Variants in CTU1 observed in about 807,000 individuals in gnomAD.
CTU1 encodes cytosolic thiouridylase subunit 1.
A neutral mutation model predicts 12.9 loss-of-function variants in CTU1; 15 were observed. The ratio of observed to expected loss-of-function variants is 1.16; its 90% CI spans 0.78 to 1.79. CTU1 has a LOEUF of 1.79. CTU1 is among the 40% of genes most tolerant of loss of function. The probability of loss-of-function intolerance (pLI) is 0.00; values close to 1 mark genes in which losing one functional copy is unlikely to be tolerated. For synonymous variants in CTU1, 295 were observed against 275.6 expected, an observed-to-expected ratio of 1.07 and a Z score of -0.70; for missense variants, 553 against 550.5, an observed-to-expected ratio of 1.00 and a Z score of -0.05.
intron 2 of CTU1, among the ~76,000 whole-genome samples, chr19:51,102,631 G>A (rs1054100304): frequency 6.6e-6 from 1 of 152,096 alleles, no homozygotes; most frequent in African/African-American, 2.4e-5. Flanking sequence ...CAGGTTCCTC[G>A]CCATGGCCTG....
Position 51,098,957 on chromosome 19 carries a change from C to G in CTU1, c.691G>C (p.Asp231His). The G allele has an allele frequency of 6.5e-7, 1 of 1,543,946 alleles. No homozygotes were observed. Among genetic ancestry groups the G allele is most frequent in the Non-Finnish European group, 8.7e-7 (1 of 1,150,908 alleles). ...VVLYAHFRRL[D>H]YFSEECVYAP... ...TAGACGCACTCCTCGGAGAAGTAGT[C>G]GAGGCGGCGGAAGTGCGCGTACAGC... Residue 231 changes from aspartate to histidine, a missense_variant, in exon 3 of 3, where the codon GAC (aspartate) becomes CAC (histidine). Asp to His is a moderately conservative substitution (Grantham distance 81). Around this residue, in one of 2 missense-constraint regions of CTU1, gnomAD observed 500 missense variants for 458.5 expected, o/e 1.09. Transcript: ENST00000421832. The surrounding 1 kb of genome is among the most constrained non-coding windows in gnomAD (Gnocchi z 4.3).
chr19:51,103,126 G>A (rs1310689282), intron 2 of CTU1, among the ~76,000 whole-genome samples: 2 of 152,078 alleles, frequency 1.3e-5, no homozygotes, highest in Non-Finnish European at 2.9e-5. Context: ...TATAGATAAC[G>A]TTATACTTCT....
At chr19:51,099,297 A>G (rs1319733682) in intron 2 of CTU1, among the ~76,000 whole-genome samples, 158 bp from the exon 3 acceptor site, 1 of 152,128 alleles carries the variant, frequency 6.6e-6, no homozygotes, top group Non-Finnish European at 1.5e-5. Context: ...GGACCCAGAG[A>G]GAGACGGCGA....
intron 1 of CTU1, among the ~76,000 whole-genome samples, chr19:51,106,672 A>ATTTTTTT (rs56150506): frequency 2.2e-5 from 3 of 136,236 alleles, no homozygotes; most frequent in African/African-American, 5.4e-5. Context: ...TGCCTGGCTA[A>ATTTTTTT]TTTTTTTTTT....
chr19:51,098,369 A>T lies in CTU1; in HGVS notation c.*232T>A. Reference sequence around the variant, plus strand: ...GGCCCTCTCCTCTCTCAGACCTAGGATGGTCCCCCAGCCCCCTCCTCCCTC... The same window carrying T: ...GGCCCTCTCCTCTCTCAGACCTAGGTTGGTCCCCCAGCCCCCTCCTCCCTC... On this transcript the variant is annotated 3_prime_UTR_variant, in exon 3 of 3. Transcript: ENST00000421832. This position sits in a 1 kb window ranked among gnomAD's most constrained non-coding sequence, Gnocchi z 4.3. The T allele has an allele frequency of 3.0e-6, 1 of 333,428 alleles. No individual in the cohort carries two copies. The highest frequency in any genetic ancestry group is 5.3e-6 in the Non-Finnish European group (1 of 187,680). 20.7% of individuals were successfully genotyped at this position (333,428 alleles called of 1,614,324 possible).
intron 2 of CTU1, 36 bp from the exon 3 acceptor site, chr19:51,099,175 G>T: frequency 6.5e-7 from 1 of 1,540,654 alleles, no homozygotes; most frequent in Non-Finnish European, 8.7e-7. Context: ...GAGGTGGGGC[G>T]CGGAGGGCGC....
Position 51,104,507 on chromosome 19 carries a change from C to T in CTU1, c.63G>A (p.Ser21=). The T allele has an allele frequency of 7.8e-7, 1 of 1,282,840 alleles. No homozygotes were observed. Among genetic ancestry groups the T allele is most frequent in the East Asian group, 3.1e-5 (1 of 32,002 alleles). 79.5% of individuals were successfully genotyped at this position (1,282,840 alleles called of 1,614,324 possible). ...AARAALRRPL[S]GQALCGACFC... is the part of the protein sequence containing the mutation. ...AGCAGGCACCGCACAGCGCTTGGCC[C>T]GAGAGCGGACGGCGGAGGGCGGCGC... The change falls in exon 2 of 3, where the codon TCG becomes TCA. Residue 21 remains serine, a synonymous_variant. Transcript: ENST00000421832.
chr19:51,101,327 C>T (rs936302643), intron 2 of CTU1, among the ~76,000 whole-genome samples: 6 of 152,132 alleles, frequency 3.9e-5, no homozygotes, highest in Non-Finnish European at 8.8e-5. Flanking sequence ...GAAATTGAAG[C>T]TAAACTTGTT....
intron 1 of CTU1, among the ~76,000 whole-genome samples, chr19:51,106,169 T>G (rs1315747439): frequency 6.6e-6 from 1 of 152,216 alleles, no homozygotes; most frequent in Non-Finnish European, 1.5e-5. Context: ...TGTGGCTCCT[T>G]GTTTCTCCAA....
Position 51,104,167 on chromosome 19 carries a change from C to T in CTU1, c.403G>A (p.Ala135Thr). 1.3e-6 allele frequency: 2 copies of T among 1,520,338 alleles called. No homozygotes were observed. Among genetic ancestry groups the T allele is most frequent in the Non-Finnish European group, 1.8e-6 (2 of 1,141,424 alleles). The allele number at this position is 1,520,338 out of a possible 1,614,324, so 94.2% of individuals were successfully genotyped here. ...WTMDAVARST[A>T]GSGRSRSCCT... ...CAGGAGCGGCTGCGGCCGGAGCCGG[C>T]TGTGCTGCGGGCCACGGCGTCCATC... The change falls in exon 2 of 3, where the codon GCC (alanine) becomes ACC (threonine). Residue 135 changes from alanine (A) to threonine (T), a missense_variant. Transcript: ENST00000421832.
intron 2 of CTU1, among the ~76,000 whole-genome samples, chr19:51,103,042 AATG>A (rs1034411688): frequency 6.6e-6 from 1 of 151,054 alleles, no homozygotes; most frequent in African/African-American, 2.5e-5. Flanking sequence ...CTAGCCTGAC[AATG>A]ATGATGATAA....
In CTU1 at chr19:51,099,012, C is replaced by G; in HGVS notation, c.636G>C (p.Pro212=). 2 of 1,518,930 alleles carry G rather than the reference C, an allele frequency of 1.3e-6. No homozygotes were observed. Among genetic ancestry groups the G allele is most frequent in the African/African-American group, 1.4e-5 (1 of 70,562 alleles). The allele number at this position is 1,518,930 out of a possible 1,614,324, so 94.1% of individuals were successfully genotyped here. A position where few individuals can be genotyped will look rare whatever the true frequency, so the allele number is the denominator to read the frequency against. ...GEGGALPRCR[P]LQFASQKEVV... ...CCTCCTTCTGCGAGGCGAACTGCAGCGGGCGGCAGCGCGGCAGGGCGCCCC... is the reference window on the plus strand; with the variant it reads ...CCTCCTTCTGCGAGGCGAACTGCAGGGGGCGGCAGCGCGGCAGGGCGCCCC... The change falls in exon 3 of 3, where the codon CCG becomes CCC. Residue 212 remains proline, a synonymous_variant. Transcript: ENST00000421832.
In CTU1 at chr19:51,104,312, G is replaced by T; in HGVS notation, c.258C>A (p.Ala86=). 6.7e-7 allele frequency: 1 copy of T among 1,490,830 alleles called. No individual in the cohort carries two copies. Among genetic ancestry groups the T allele is most frequent in the Non-Finnish European group, 8.9e-7 (1 of 1,124,938 alleles). The allele number at this position is 1,490,830 out of a possible 1,614,324, so 92.4% of individuals were successfully genotyped here. Reference sequence around the variant, plus strand: ...GGTAGCCACCGATGCCCTCATCGACGGCCACGAGCTGCAGTGAGATGCCCA... The same window carrying T: ...GGTAGCCACCGATGCCCTCATCGACTGCCACGAGCTGCAGTGAGATGCCCA... ...PRLGISLQLV[A]VDEGIGGYRD... Residue 86 remains alanine (A), a synonymous_variant, in exon 2 of 3, where the codon GCC becomes GCA. Coordinates refer to ENST00000421832, the MANE Select transcript of CTU1 (RefSeq NM_145232.4).
chr19:51,107,795 G>T (rs772443389), intron 1 of CTU1, among the ~76,000 whole-genome samples: 57 of 152,144 alleles, frequency 3.7e-4, no homozygotes, highest in Non-Finnish European at 1.8e-4. Context: ...CATGTTAAGC[G>T]TCTTCCCTCA....
At position 51,099,042 on chromosome 19, in the gene CTU1, G is replaced by C. The variant is rs759217980; in HGVS notation, c.606C>G (p.Gly202=). 2.0e-6 allele frequency: 3 copies of C among 1,510,916 alleles called. No homozygotes were observed. Among genetic ancestry groups the C allele is most frequent in the Non-Finnish European group, 2.6e-6 (3 of 1,133,826 alleles). The allele number at this position is 1,510,916 out of a possible 1,614,324, so 93.6% of individuals were successfully genotyped here. Residue 202 remains glycine (G), a synonymous_variant, in exon 3 of 3, where the codon GGC becomes GGG. Transcript: ENST00000421832. ...LARGGGLGSP[G]EGGALPRCRP... is the part of the protein sequence containing the mutation. Reference sequence around the variant, plus strand: ...GGCAGCGCGGCAGGGCGCCCCCCTCGCCGGGAGAGCCCAGGCCCCCGCCCC... The same window carrying C: ...GGCAGCGCGGCAGGGCGCCCCCCTCCCCGGGAGAGCCCAGGCCCCCGCCCC...
chr19:51,104,369 C>G lies in CTU1; in HGVS notation c.201G>C (p.Leu67=), dbSNP rs2091914740. Residue 67 remains leucine (L), a synonymous_variant, in exon 2 of 3, where the codon CTG becomes CTC. Transcript: ENST00000421832. Reference sequence around the variant, plus strand: ...GCGCCAGCGCGCGCAGCACGTGCGCCAGCACCGTGGAGTCCTTGCCGCCCG... The same window carrying G: ...GCGCCAGCGCGCGCAGCACGTGCGCGAGCACCGTGGAGTCCTTGCCGCCCG... ...GASGGKDSTV[L]AHVLRALAPR... 7.1e-7 allele frequency: 1 copy of G among 1,399,770 alleles called. No homozygotes were observed. The highest frequency in any genetic ancestry group is 9.2e-7 in the Non-Finnish European group (1 of 1,082,670). The allele number at this position is 1,399,770 out of a possible 1,614,324, so 86.7% of individuals were successfully genotyped here. A position where few individuals can be genotyped will look rare whatever the true frequency, so the allele number is the denominator to read the frequency against.
Position 51,103,613 on chromosome 19 carries a change from A to G in CTU1, c.508+449T>C, listed in dbSNP as rs76944957. Among the ~76,000 whole-genome samples, 985 of 151,964 alleles carry G rather than the reference A, an allele frequency of 6.5e-3. 19 individuals carry two copies. The highest frequency in any genetic ancestry group is 0.023 in the African/African-American group (947 of 41,426). On this transcript the variant is annotated intron_variant, in intron 2 of 2. Coordinates refer to ENST00000421832, the MANE Select transcript of CTU1 (RefSeq NM_145232.4). ...AAAAAAAAAAAAAAAAAAGTTATCA[A>G]AGAGGAGAGGCCAACCAAGAAAAGG...
Position 51,098,445 on chromosome 19 carries a change from G to T in CTU1, c.*156C>A. The T allele has an allele frequency of 1.4e-6, 1 of 695,744 alleles. No homozygotes were observed. Among genetic ancestry groups the T allele is most frequent in the Non-Finnish European group, 2.0e-6 (1 of 509,076 alleles). 43.1% of individuals were successfully genotyped at this position (695,744 alleles called of 1,614,324 possible). On this transcript the variant is annotated 3_prime_UTR_variant, in exon 3 of 3. Coordinates refer to ENST00000421832, the MANE Select transcript of CTU1 (RefSeq NM_145232.4). This position sits in a 1 kb window ranked among gnomAD's most constrained non-coding sequence, Gnocchi z 4.3. ...CTTCTTCCCTGAGACCTCGAAGTCT[G>T]GGGTCCCAGCTTCTTCAGGGTTTCA...
intron 1 of CTU1, among the ~76,000 whole-genome samples, chr19:51,106,477 C>A (rs1476861758): frequency 3.3e-5 from 5 of 151,478 alleles, no homozygotes; most frequent in Non-Finnish European, 5.9e-5. Context: ...TAGCACCCAT[C>A]TCTTTCCATT....
Sources: gnomAD v4.1 joint callset for allele counts (sites outside exome capture counted in the v4.1 genomes callset) on GRCh38, gnomAD v4.1.1 for gene constraint, gnomAD v4.1.1 regional missense constraint, Gnocchi (gnomAD v3.1) non-coding constraint, MANE v1.5 for transcripts, NCBI Gene and HGNC (gene_info 2026-07-23, HGNC 2026-07-21) for gene names.